LOC400499: variants seen among roughly 807,000 people sequenced by gnomAD.
At chr16:11,384,141 C>T in the LOC400499 span, 1 of 1,216,560 alleles carries the variant, frequency 8.2e-7, no homozygotes, top group African/African-American at 1.6e-5. Flanking sequence ...GGCCGCCTGC[C>T]TCTCCCGGGA....
At chr16:11,438,105 G>GC in the LOC400499 span, among the ~76,000 whole-genome samples, 9 of 152,028 alleles carry the variant, frequency 5.9e-5, no homozygotes, top group South Asian at 2.1e-4. Context: ...GGTGCTCCAT[G>GC]CCCCCCCACA....
the LOC400499 span, among the ~76,000 whole-genome samples, chr16:11,482,828 G>A: frequency 6.6e-5 from 10 of 151,144 alleles, no homozygotes; most frequent in African/African-American, 2.4e-4. Flanking sequence ...GCAGGTCAAG[G>A]TTGCAGTGAG....
chr16:11,525,592 C>T, the LOC400499 span, among the ~76,000 whole-genome samples: 3 of 152,130 alleles, frequency 2.0e-5, no homozygotes, highest in Non-Finnish European at 2.9e-5. Context: ...CATATGTGTG[C>T]GTAATCATTA....
At chr16:11,524,696 A>C in the LOC400499 span, among the ~76,000 whole-genome samples, 1 of 151,724 alleles carries the variant, frequency 6.6e-6, no homozygotes, top group East Asian at 2.0e-4. Flanking sequence ...TGCTAAGAAA[A>C]CTGCCAGAGA....
the LOC400499 span, among the ~76,000 whole-genome samples, chr16:11,431,517 T>C: frequency 0.54 from 82,618 of 151,928 alleles, 24,282 homozygotes; most frequent in African/African-American, 0.75. Flanking sequence ...GCGATTCTCC[T>C]GTCTCAGCCT....
chr16:11,504,558 C>G, the LOC400499 span, among the ~76,000 whole-genome samples: 1,350 of 146,250 alleles, frequency 9.2e-3, 21 homozygotes, highest in African/African-American at 0.031. Flanking sequence ...TCCGTCCCCC[C>G]CCCCAAAAAA....
chr16:11,501,916 C>T, the LOC400499 span, among the ~76,000 whole-genome samples: 1 of 152,134 alleles, frequency 6.6e-6, no homozygotes, highest in Non-Finnish European at 1.5e-5. Context: ...TCCTTCTTGG[C>T]GCACATTCTC....
chr16:11,403,583 C>T, the LOC400499 span, among the ~76,000 whole-genome samples: 41 of 152,316 alleles, frequency 2.7e-4, no homozygotes, highest in African/African-American at 8.4e-4. Context: ...GCAAATGTGA[C>T]GCTGGGAGGA....
At chr16:11,462,288 G>A in the LOC400499 span, 1 of 1,504,390 alleles carries the variant, frequency 6.6e-7, no homozygotes, top group Non-Finnish European at 8.9e-7. Context: ...ATGGCTGGCT[G>A]CAGGTCACTC....
the LOC400499 span, chr16:11,384,155 T>C: frequency 3.3e-6 from 4 of 1,213,258 alleles, no homozygotes; most frequent in East Asian, 9.5e-5. Flanking sequence ...CCCGGGACTC[T>C]GCAGTGAGCA....
At chr16:11,428,278 T>C in the LOC400499 span, among the ~76,000 whole-genome samples, 1 of 152,152 alleles carries the variant, frequency 6.6e-6, no homozygotes, top group Non-Finnish European at 1.5e-5. Context: ...TTCAAGCGAC[T>C]CTCCTGCTTG....
the LOC400499 span, among the ~76,000 whole-genome samples, chr16:11,511,270 T>A: frequency 6.6e-6 from 1 of 152,206 alleles, no homozygotes; most frequent in African/African-American, 2.4e-5. Flanking sequence ...GTGCTGGGAT[T>A]ACAGGCTTGA....
At chr16:11,392,313 T>G in the LOC400499 span, 3 of 398,836 alleles carry the variant, frequency 7.5e-6, no homozygotes, top group South Asian at 3.8e-4. Context: ...CCAGGCCCTC[T>G]CACCTCCACA....
chr16:11,405,989 T>C, the LOC400499 span, among the ~76,000 whole-genome samples: 3 of 152,270 alleles, frequency 2.0e-5, 1 homozygote, highest in South Asian at 4.1e-4. Context: ...CCTTTGCATG[T>C]CTTGTTCCCT....
chr16:11,388,082 C>T, the LOC400499 span, among the ~76,000 whole-genome samples: 1 of 152,050 alleles, frequency 6.6e-6, no homozygotes, highest in African/African-American at 2.4e-5. Flanking sequence ...TGTTGATGGG[C>T]CAGTAGAGAG....
chr16:11,498,668 G>A, the LOC400499 span, among the ~76,000 whole-genome samples: 2 of 151,310 alleles, frequency 1.3e-5, no homozygotes, highest in East Asian at 1.9e-4. Context: ...TTGCTGACTC[G>A]ATGACAGAAC....
chr16:11,466,602 T>C, the LOC400499 span, among the ~76,000 whole-genome samples: 19 of 152,226 alleles, frequency 1.2e-4, no homozygotes, highest in African/African-American at 4.6e-4. Context: ...TTGTTCAGGC[T>C]GGTCTTGAAC....
At chr16:11,495,263 C>G in the LOC400499 span, among the ~76,000 whole-genome samples, 28 of 151,926 alleles carry the variant, frequency 1.8e-4, no homozygotes, top group African/African-American at 6.5e-4. Flanking sequence ...ATGTGGCCCA[C>G]GACTCAGACG....
At chr16:11,485,545 C>T in the LOC400499 span, among the ~76,000 whole-genome samples, 1 of 152,152 alleles carries the variant, frequency 6.6e-6, no homozygotes. Flanking sequence ...TTCTGTCCCT[C>T]CCGTCTTCCA....
Sources: allele counts gnomAD v4.1 joint callset (sites outside exome capture counted in the v4.1 genomes callset), GRCh38; gene constraint gnomAD v4.1.1; transcripts MANE v1.5.